Variants in VKORC1L1 observed in about 807,000 individuals in gnomAD.
VKORC1L1 encodes the protein vitamin K epoxide reductase complex subunit 1L1.
Under a neutral mutation model 18.9 loss-of-function variants are expected in VKORC1L1, and 2 were observed. The ratio of observed to expected loss-of-function variants is 0.11; its 90% CI spans 0.04 to 0.33. The LOEUF (loss-of-function observed/expected upper bound fraction) is 0.33, where lower values mean the gene tolerates loss of function less well. VKORC1L1 is among the 10% of genes least tolerant of loss of function. VKORC1L1 has a pLI of 1.00. For missense variants in VKORC1L1, 123 were observed against 224.1 expected (o/e 0.55, Z 2.88); for synonymous variants, 96 against 100.0 (o/e 0.96, Z 0.24).
intron 1 of VKORC1L1, among the ~76,000 whole-genome samples, chr7:65,879,886 C>G (rs780280838): frequency 6.6e-6 from 1 of 150,486 alleles, no homozygotes; most frequent in Non-Finnish European, 1.5e-5. Context: ...TTGTCTCACT[C>G]TGTCTCCCCA....
At chr7:65,886,848 T>TTTG (rs1789022699) in intron 1 of VKORC1L1, among the ~76,000 whole-genome samples, 1 of 131,640 alleles carries the variant, frequency 7.6e-6, no homozygotes, top group Admixed American at 7.8e-5. Flanking sequence ...AGTTTTTTTT[T>TTTG]TTTTTTTTTT....
At chr7:65,869,640 C>CTTTTTTTTTTT (rs1226951533), upstream of VKORC1L1, among the ~76,000 whole-genome samples, 1 of 77,284 alleles carries the variant, frequency 1.3e-5, no homozygotes, top group Non-Finnish European at 2.4e-5. Context: ...CGATTTCATT[C>CTTTTTTTTTTT]TTTTTTTTTT....
chr7:65,893,673 A>T (rs1214536747), intron 1 of VKORC1L1, among the ~76,000 whole-genome samples: 1 of 152,258 alleles, frequency 6.6e-6, no homozygotes, highest in Non-Finnish European at 1.5e-5. Context: ...AAAAATAAAT[A>T]AATTTCCTGT....
At chr7:65,889,056 A>C (rs1789066465) in intron 1 of VKORC1L1, among the ~76,000 whole-genome samples, 1 of 150,418 alleles carries the variant, frequency 6.6e-6, no homozygotes, top group South Asian at 2.1e-4. Context: ...ATGGTTCGTG[A>C]CAGTTCTTCA....
chr7:65,957,559 A>C lies in VKORC1L1; in HGVS notation c.*3259A>C, dbSNP rs1256874703. 6.6e-6 allele frequency: 1 copy of C among 151,584 alleles called. No individual in the cohort carries two copies. Among genetic ancestry groups the C allele is most frequent in the South Asian group, 2.1e-4 (1 of 4,792 alleles). The allele number at this position is 151,584 out of a possible 1,614,324, so 9.4% of individuals were successfully genotyped here. On this transcript the variant is annotated 3_prime_UTR_variant, in exon 3 of 3. Transcript: ENST00000360768. ...AATTAAAACTGTTTGCTGGCTGGGC[A>C]TGGTGGCTCACACCTGTAATCCCAG...
chr7:65,893,568 T>C (rs895846655), intron 1 of VKORC1L1, among the ~76,000 whole-genome samples: 5 of 151,420 alleles, frequency 3.3e-5, no homozygotes, highest in African/African-American at 1.2e-4. Context: ...AATAAATAAA[T>C]TTCCTGTTTT....
intron 1 of VKORC1L1, among the ~76,000 whole-genome samples, chr7:65,940,875 C>T (rs181647471): frequency 1.6e-4 from 24 of 152,150 alleles, no homozygotes; most frequent in Admixed American, 9.2e-4. Flanking sequence ...TTATTTTCTA[C>T]GGAATTGAGC....
rs1323153637 is a variant in VKORC1L1 at position 65,959,376 on chromosome 7, A to C, written c.*5076A>C. ...GTGTCTATTACATTTAACTTTTCTT[A>C]ATGTTTGTCAACTAAAAGTTTTATT... On this transcript the variant is annotated 3_prime_UTR_variant, in exon 3 of 3. Transcript: ENST00000360768. The C allele has an allele frequency of 6.6e-6, 1 of 152,156 alleles. No individual in the cohort carries two copies. The highest frequency in any genetic ancestry group is 2.4e-5 in the African/African-American group (1 of 41,424). 9.4% of individuals were successfully genotyped at this position (152,156 alleles called of 1,614,324 possible).
the VKORC1L1 span, among the ~76,000 whole-genome samples, chr7:65,866,831 T>G: frequency 6.6e-6 from 1 of 152,034 alleles, no homozygotes; most frequent in South Asian, 2.1e-4. Flanking sequence ...GAGAATTGCT[T>G]GAGCCTGGGG....
intron 2 of VKORC1L1, among the ~76,000 whole-genome samples, chr7:65,953,500 A>G (rs1427281030): frequency 6.6e-6 from 1 of 152,200 alleles, no homozygotes; most frequent in East Asian, 1.9e-4. Context: ...TGATTGTGAG[A>G]TTGCATGTTT....
chr7:65,880,447 G>C (rs1484119866), intron 1 of VKORC1L1, among the ~76,000 whole-genome samples: 1 of 152,090 alleles, frequency 6.6e-6, no homozygotes, highest in East Asian at 1.9e-4. Context: ...GTAGTGAGCT[G>C]TCCGGAAGAC....
rs767873365 is a variant in VKORC1L1 at position 65,873,551 on chromosome 7, C to T, written c.180C>T (p.Ala60=). Residue 60 remains alanine, a synonymous_variant, in exon 1 of 3, where the codon GCC becomes GCT. Coordinates refer to ENST00000360768, the MANE Select transcript of VKORC1L1 (RefSeq NM_173517.6). ...TGGGGCCCTGGGTGAAGTGCTCCGCCGCCCTTGCCTCCAGGTAGCCGGCTT... is the reference window on the plus strand; with the variant it reads ...TGGGGCCCTGGGTGAAGTGCTCCGCTGCCCTTGCCTCCAGGTAGCCGGCTT... The part of the protein sequence containing the change: ...CDLGPWVKCS[A]ALASRWGRGF... 8.3e-6 allele frequency: 13 copies of T among 1,557,004 alleles called. No individual in the cohort carries two copies. The highest frequency in any genetic ancestry group is 3.8e-5 in the Admixed American group (2 of 53,124).
intron 1 of VKORC1L1, among the ~76,000 whole-genome samples, chr7:65,910,098 G>A (rs961208131): frequency 1.3e-5 from 2 of 152,080 alleles, no homozygotes; most frequent in African/African-American, 2.4e-5. Flanking sequence ...ATAATTAAAA[G>A]TAACAAGTTG....
At chr7:65,938,195 C>CA (rs1044720287) in intron 1 of VKORC1L1, among the ~76,000 whole-genome samples, 4 of 149,476 alleles carry the variant, frequency 2.7e-5, no homozygotes, top group South Asian at 2.1e-4. Context: ...GACTCCGTCT[C>CA]AAAAAAAACC....
At chr7:65,924,198 A>G (rs1362864676) in intron 1 of VKORC1L1, among the ~76,000 whole-genome samples, 4 of 152,208 alleles carry the variant, frequency 2.6e-5, no homozygotes, top group African/African-American at 9.7e-5. Context: ...GAGGCTGGGC[A>G]TATCAGCTTC....
intron 1 of VKORC1L1, among the ~76,000 whole-genome samples, chr7:65,940,353 ACAAT>A (rs944548525): frequency 1.2e-4 from 18 of 152,280 alleles, no homozygotes; most frequent in East Asian, 9.6e-4. Flanking sequence ...ACATACCCAA[ACAAT>A]CAATCAATTA....
chr7:65,946,951 T>C (rs1790128259), intron 1 of VKORC1L1, among the ~76,000 whole-genome samples: 1 of 151,656 alleles, frequency 6.6e-6, no homozygotes, highest in Non-Finnish European at 1.5e-5. Context: ...CCTTGGCACA[T>C]GGCAAAGCTG....
In VKORC1L1 at chr7:65,951,574, GAA is replaced by G. The variant is rs60415673; in HGVS notation, c.305-2491_305-2490del. ...CGGTGACAGAGCGAGACTCCTTCAG[GAA>G]AAAAAAAATATATATATATATACAT... On this transcript the variant is annotated intron_variant, in intron 2 of 2. Coordinates refer to ENST00000360768, the MANE Select transcript of VKORC1L1 (RefSeq NM_173517.6). 2.7e-5 allele frequency among the ~76,000 whole-genome samples: 4 copies of G among 145,652 alleles called. No homozygotes were observed. In the South Asian group the frequency reaches 6.5e-4, roughly 24 times the overall value.
intron 1 of VKORC1L1, among the ~76,000 whole-genome samples, chr7:65,878,950 G>A (rs1308161632): frequency 2.6e-5 from 4 of 152,094 alleles, no homozygotes; most frequent in East Asian, 1.9e-4. Flanking sequence ...TAAGGCATTC[G>A]CTGCTTCGGA....
Sources: allele counts gnomAD v4.1 joint callset (sites outside exome capture counted in the v4.1 genomes callset), GRCh38; gene constraint gnomAD v4.1.1; transcripts MANE v1.5; gene names NCBI Gene and HGNC (gene_info 2026-07-23, HGNC 2026-07-21).